The following SARDH variants were observed in gnomAD, a reference collection of about 807,000 sequenced individuals.
SARDH encodes the protein sarcosine dehydrogenase, mitochondrial.
In SARDH, 95 loss-of-function variants were observed where a neutral mutation model predicts 109.1. The ratio of observed to expected loss-of-function variants is 0.87; its 90% CI spans 0.74 to 1.03. The LOEUF (loss-of-function observed/expected upper bound fraction) is 1.03, where lower values mean the gene tolerates loss of function less well. Ranked by LOEUF, SARDH falls within the 50% of genes least tolerant of loss-of-function variation. The probability of loss-of-function intolerance (pLI) is 0.00; values close to 1 mark genes in which losing one functional copy is unlikely to be tolerated. For missense variants in SARDH, 1,267 were observed against 1,287.8 expected (o/e 0.98, Z 0.25); for synonymous variants, 572 against 534.8 (o/e 1.07, Z -0.96).
At chr9:133,724,142 T>C (rs1049517600) in intron 6 of SARDH, among the ~76,000 whole-genome samples, 3 of 151,222 alleles carry the variant, frequency 2.0e-5, no homozygotes, top group African/African-American at 4.9e-5. Flanking sequence ...AACCATACCA[T>C]AAAAAAGCGA....
intron 4 of SARDH, among the ~76,000 whole-genome samples, chr9:133,730,563 G>T (rs1326819746): frequency 6.7e-6 from 1 of 150,106 alleles, no homozygotes; most frequent in East Asian, 1.9e-4. Flanking sequence ...CAACAGCTTG[G>T]TTCTATTTTG....
At chr9:133,674,105 T>C (rs1207692291) in intron 17 of SARDH, among the ~76,000 whole-genome samples, 2 of 152,206 alleles carry the variant, frequency 1.3e-5, no homozygotes, top group African/African-American at 4.8e-5. Flanking sequence ...GAATCACTAG[T>C]TGTTGAGGCG....
intron 13 of SARDH, 69 bp downstream of exon 13, chr9:133,702,847 G>A (rs1831540922): frequency 1.4e-6 from 2 of 1,447,296 alleles, no homozygotes; most frequent in Admixed American, 3.6e-5. Context: ...CCAGCCGAGG[G>A]CCGGCGCAAT....
intron 11 of SARDH, among the ~76,000 whole-genome samples, chr9:133,707,064 A>G (rs562076314): frequency 7.2e-5 from 11 of 152,344 alleles, no homozygotes; most frequent in Admixed American, 2.0e-4. Flanking sequence ...GAGCCCATTA[A>G]AAGAGGGCAG....
Position 133,666,990 on chromosome 9 carries a change from A to AT in SARDH, c.2496-121dup. The AT allele has an allele frequency of 7.3e-7, 1 of 1,369,536 alleles. No individual in the cohort carries two copies. The highest frequency in any genetic ancestry group is 2.5e-5 in the East Asian group (1 of 40,210). 84.8% of individuals were successfully genotyped at this position (1,369,536 alleles called of 1,614,324 possible). A position where few individuals can be genotyped will look rare whatever the true frequency, so the allele number is the denominator to read the frequency against. ...CACACCCAACCGTGGCTCCAGGCAG[A>AT]TAGGGCTGGCCTACTAGGACTACGC... On this transcript the variant is annotated intron_variant, in intron 19 of 20. Transcript: ENST00000439388. The surrounding 1 kb of genome is among the most constrained non-coding windows in gnomAD (Gnocchi z 5.2).
At chr9:133,671,485 C>G in intron 18 of SARDH, 50 bp downstream of exon 18, 2 of 1,504,680 alleles carry the variant, frequency 1.3e-6, no homozygotes, top group Non-Finnish European at 1.8e-6. Context: ...AGCGTCACTG[C>G]CCCCCACTGC....
intron 8 of SARDH, among the ~76,000 whole-genome samples, chr9:133,714,300 G>C (rs1382574333): frequency 6.6e-6 from 1 of 152,206 alleles, no homozygotes; most frequent in African/African-American, 2.4e-5. Flanking sequence ...GCCTGGCCAG[G>C]AGAGGCAGGG....
downstream of SARDH, among the ~76,000 whole-genome samples, chr9:133,660,191 C>G (rs911648162): frequency 6.6e-6 from 1 of 152,038 alleles, no homozygotes; most frequent in African/African-American, 2.4e-5. Context: ...AGCGTAACCC[C>G]GTGGTTGCTG....
Position 133,686,658 on chromosome 9 carries a change from T to G in SARDH, c.2070-1372A>C, listed in dbSNP as rs1483213717. On this transcript the variant is annotated intron_variant, in intron 16 of 20. Transcript: ENST00000439388. This position sits in a 1 kb window ranked among gnomAD's most constrained non-coding sequence, Gnocchi z 4.0. The stretch of plus-strand genomic sequence containing the variant: ...TTGGCACAGCAGGGTGAGGCCCCCA[T>G]TGCTAGGAGACGCCCCCCCACTTCT... Among the ~76,000 whole-genome samples the G allele has an allele frequency of 6.6e-6, 1 of 151,870 alleles. No homozygotes were observed.
intron 8 of SARDH, among the ~76,000 whole-genome samples, chr9:133,713,683 G>A (rs746813110): frequency 7.0e-4 from 107 of 152,380 alleles, no homozygotes; most frequent in Non-Finnish European, 9.6e-4. Flanking sequence ...CTGAGCCTCA[G>A]ACAGAGGCCA....
intron 14 of SARDH, among the ~76,000 whole-genome samples, chr9:133,695,586 A>G (rs2131395091): frequency 6.6e-6 from 1 of 152,320 alleles, no homozygotes; most frequent in South Asian, 2.1e-4. Flanking sequence ...GGTCCTCTGC[A>G]GAGTGTCAGG....
At chr9:133,659,512 G>A (rs773820134), downstream of SARDH, among the ~76,000 whole-genome samples, 1 of 152,198 alleles carries the variant, frequency 6.6e-6, no homozygotes, top group Admixed American at 6.5e-5. Context: ...TCAGGGACAA[G>A]TTCAGCTCTT....
At chr9:133,729,057 G>A (rs1025457633) in intron 6 of SARDH, among the ~76,000 whole-genome samples, 1 of 151,648 alleles carries the variant, frequency 6.6e-6, no homozygotes, top group African/African-American at 2.4e-5. Context: ...GAAGGGGGAT[G>A]GGTGGAGGGA....
chr9:133,670,778 G>T (rs45517631), intron 18 of SARDH, 26 bp from the exon 19 acceptor site: 2 of 1,544,048 alleles, frequency 1.3e-6, no homozygotes, highest in Non-Finnish European at 1.7e-6. Flanking sequence ...CCATGGGGTC[G>T]GTGCCACCCT....
rs74359862 is a variant in SARDH, at chr9:133,718,598, G to A, written c.1020+340C>T. The A allele has an allele frequency of 4.7e-3, 3,607 of 764,324 alleles. 98 individuals are homozygous for A. The African/African-American group carries it at 0.052, about 11-fold the overall frequency. The allele number at this position is 764,324 out of a possible 1,614,324, so 47.3% of individuals were successfully genotyped here. A position where few individuals can be genotyped will look rare whatever the true frequency, so the allele number is the denominator to read the frequency against. ...AACAGCCCAGGCCAGGGGAAATGCC[G>A]CTGCAGCAGCTGGTTGGGAGGGCAG... On this transcript the variant is annotated intron_variant, in intron 7 of 20. Transcript: ENST00000439388. The surrounding 1 kb of genome is among the most constrained non-coding windows in gnomAD (Gnocchi z 4.2).
intron 11 of SARDH, among the ~76,000 whole-genome samples, chr9:133,707,597 C>T (rs962359124): frequency 6.6e-6 from 1 of 152,196 alleles, no homozygotes; most frequent in Non-Finnish European, 1.5e-5. Context: ...GCCTCCCCGC[C>T]CATCCATCTG....
chr9:133,693,914 A>G lies in SARDH; in HGVS notation c.1921+344T>C, dbSNP rs1272666768. Among the ~76,000 whole-genome samples, 1 of 152,180 alleles carries G rather than the reference A, an allele frequency of 6.6e-6. No individual in the cohort carries two copies. Among genetic ancestry groups the G allele is most frequent in the Non-Finnish European group, 1.5e-5 (1 of 68,024 alleles). Reference sequence around the variant, plus strand: ...AGCAAGGATGTCAGTGGCAGAAAGGAGCTGACTGCTTTGAGTGGGAGGCAC... The same window carrying G: ...AGCAAGGATGTCAGTGGCAGAAAGGGGCTGACTGCTTTGAGTGGGAGGCAC... On this transcript the variant is annotated intron_variant, in intron 15 of 20. Coordinates refer to ENST00000439388, the MANE Select transcript of SARDH (RefSeq NM_001134707.2). This position sits in a 1 kb window ranked among gnomAD's most constrained non-coding sequence, Gnocchi z 5.6.
chr9:133,725,765 C>A (rs1588450707), intron 6 of SARDH: 2 of 229,424 alleles, frequency 8.7e-6, no homozygotes, highest in East Asian at 2.7e-4. Flanking sequence ...AACCAATAAA[C>A]AAGCCAAACC....
At chr9:133,724,900 C>T (rs1376555299) in intron 6 of SARDH, among the ~76,000 whole-genome samples, 1 of 152,060 alleles carries the variant, frequency 6.6e-6, no homozygotes. Flanking sequence ...CTTGTTTAAA[C>T]TCAAGAGAAA....
Sources: gnomAD v4.1 joint callset for allele counts (sites outside exome capture counted in the v4.1 genomes callset) on GRCh38, gnomAD v4.1.1 for gene constraint, Gnocchi (gnomAD v3.1) non-coding constraint, MANE v1.5 for transcripts, NCBI Gene and HGNC (gene_info 2026-07-23, HGNC 2026-07-21) for gene names.